The following PTPRD variants were observed in gnomAD, a reference collection of about 807,000 sequenced individuals.
PTPRD encodes the protein receptor-type tyrosine-protein phosphatase delta.
Under a neutral mutation model 214.5 loss-of-function variants are expected in PTPRD, and 34 were observed. The observed-to-expected ratio is 0.16, with a 90% CI of 0.12 to 0.21. PTPRD has a LOEUF of 0.21. Among genes scored for constraint, PTPRD ranks in the 10% least tolerant of loss-of-function variants. PTPRD has a pLI of 1.00. For synonymous variants in PTPRD, 1,128 were observed against 845.7 expected, an observed-to-expected ratio of 1.33 and a Z score of -5.79; for missense variants, 2,545 against 2,398.7, an observed-to-expected ratio of 1.06 and a Z score of -1.27.
intron 3 of PTPRD, among the ~76,000 whole-genome samples, chr9:10,286,279 A>G (rs1015686983): frequency 6.6e-6 from 1 of 152,054 alleles, no homozygotes; most frequent in African/African-American, 2.4e-5. Context: ...CGTCTCTACA[A>G]AAAAATTCAA....
At chr9:10,171,054 G>A (rs1027963364) in intron 3 of PTPRD, among the ~76,000 whole-genome samples, 6 of 152,114 alleles carry the variant, frequency 3.9e-5, no homozygotes, top group African/African-American at 1.4e-4. Flanking sequence ...ATATATATTT[G>A]TTGAAATACA....
At chr9:8,929,249 G>C (rs748522665) in intron 11 of PTPRD, among the ~76,000 whole-genome samples, 3 of 152,228 alleles carry the variant, frequency 2.0e-5, no homozygotes, top group South Asian at 4.2e-4. Flanking sequence ...GTGAGGGAGG[G>C]CATCCTTGTC....
intron 44 of PTPRD, among the ~76,000 whole-genome samples, chr9:8,330,711 T>C (rs1587769123): frequency 6.6e-6 from 1 of 151,988 alleles, no homozygotes; most frequent in South Asian, 2.1e-4. Context: ...AATAATAGAA[T>C]TGAGATTAGA....
At chr9:9,653,275 G>A (rs2096415042) in intron 7 of PTPRD, among the ~76,000 whole-genome samples, 1 of 142,024 alleles carries the variant, frequency 7.0e-6, no homozygotes, top group East Asian at 2.1e-4. Context: ...CCGGGAAGCG[G>A]AGCTTGCAGT....
chr9:10,550,850 C>G (rs1327176563), intron 2 of PTPRD, among the ~76,000 whole-genome samples: 1 of 152,186 alleles, frequency 6.6e-6, no homozygotes, highest in African/African-American at 2.4e-5. Flanking sequence ...CCACCTCTAC[C>G]TCTCTTTCTA....
intron 9 of PTPRD, among the ~76,000 whole-genome samples, chr9:9,332,659 G>C (rs2042781650): frequency 6.6e-6 from 1 of 151,580 alleles, no homozygotes; most frequent in Non-Finnish European, 1.5e-5. Context: ...TGATGCTAAG[G>C]ATAGAAACAA....
intron 8 of PTPRD, among the ~76,000 whole-genome samples, chr9:9,470,071 A>G (rs2094486964): frequency 2.0e-5 from 3 of 152,196 alleles, no homozygotes; most frequent in South Asian, 4.1e-4. Flanking sequence ...TCTCAAGTGC[A>G]TACCTTTGCA....
At chr9:9,297,186 T>A (rs1247151058) in intron 9 of PTPRD, among the ~76,000 whole-genome samples, 1 of 151,730 alleles carries the variant, frequency 6.6e-6, no homozygotes, top group Non-Finnish European at 1.5e-5. Flanking sequence ...CTTGGTCTTG[T>A]ATCAAAGATT....
chr9:9,499,512 C>T (rs548332997), intron 8 of PTPRD, among the ~76,000 whole-genome samples: 2 of 152,138 alleles, frequency 1.3e-5, no homozygotes, highest in Non-Finnish European at 2.9e-5. Flanking sequence ...GGTATATATA[C>T]AAAAACTCAT....
intron 10 of PTPRD, among the ~76,000 whole-genome samples, chr9:9,092,166 C>A (rs1428357822): frequency 6.6e-6 from 1 of 152,102 alleles, no homozygotes; most frequent in Non-Finnish European, 1.5e-5. Flanking sequence ...TTCATGTTCT[C>A]TTCTTAGAAA....
intron 34 of PTPRD, among the ~76,000 whole-genome samples, chr9:8,440,187 C>T (rs1277161518): frequency 1.3e-5 from 2 of 151,826 alleles, no homozygotes; most frequent in South Asian, 2.1e-4. Flanking sequence ...TCTCTAACAC[C>T]CCATTAGCAA....
intron 14 of PTPRD, among the ~76,000 whole-genome samples, chr9:8,583,889 T>C (rs1338890004): frequency 6.6e-6 from 1 of 152,240 alleles, no homozygotes; most frequent in Non-Finnish European, 1.5e-5. Context: ...CAGTGGCTCA[T>C]GCCTGTAATC....
At chr9:10,380,014 C>T (rs747315042) in intron 2 of PTPRD, among the ~76,000 whole-genome samples, 14 of 151,972 alleles carry the variant, frequency 9.2e-5, no homozygotes, top group Admixed American at 2.0e-4. Context: ...GGCTAGAATG[C>T]GGTGGCACAA....
intron 12 of PTPRD, among the ~76,000 whole-genome samples, chr9:8,663,496 T>C (rs1203072388): frequency 6.6e-6 from 1 of 152,098 alleles, no homozygotes; most frequent in Non-Finnish European, 1.5e-5. Context: ...TTTGTTGTTG[T>C]TATTTATTTA....
At chr9:8,549,352 TAAAAGACACA>T (rs2081313360) in intron 14 of PTPRD, among the ~76,000 whole-genome samples, 1 of 152,042 alleles carries the variant, frequency 6.6e-6, no homozygotes, top group Non-Finnish European at 1.5e-5. Flanking sequence ...GTCACTAATA[TAAAAGACACA>T]AGAAGAGACA....
At chr9:9,011,419 A>T (rs1288500680) in intron 11 of PTPRD, among the ~76,000 whole-genome samples, 1 of 152,214 alleles carries the variant, frequency 6.6e-6, no homozygotes, top group East Asian at 1.9e-4. Context: ...GCATATAATT[A>T]CATAGGATAT....
chr9:9,946,779 C>T (rs964748777), intron 4 of PTPRD, among the ~76,000 whole-genome samples: 7 of 152,064 alleles, frequency 4.6e-5, no homozygotes, highest in African/African-American at 1.7e-4. Context: ...TTTACTTCAA[C>T]TCATGCCTAA....
chr9:8,928,838 C>T (rs186021914), intron 11 of PTPRD, among the ~76,000 whole-genome samples: 1 of 152,026 alleles, frequency 6.6e-6, no homozygotes, highest in Non-Finnish European at 1.5e-5. Context: ...GAATGTTTTT[C>T]CATTTGTTTG....
intron 11 of PTPRD, among the ~76,000 whole-genome samples, chr9:8,808,470 T>A (rs887890855): frequency 7.5e-5 from 11 of 147,220 alleles, no homozygotes; most frequent in African/African-American, 2.3e-4. Context: ...ACCTTTTTTT[T>A]TTTTTTTTTT....
Sources: gnomAD v4.1 joint callset for allele counts (sites outside exome capture counted in the v4.1 genomes callset) on GRCh38, gnomAD v4.1.1 for gene constraint, MANE v1.5 for transcripts, NCBI Gene and HGNC (gene_info 2026-07-23, HGNC 2026-07-21) for gene names.